The following COL26A1 variants were observed in gnomAD, a reference collection of about 807,000 sequenced individuals.
The protein encoded by COL26A1 is collagen type XXVI alpha 1 chain.
A neutral mutation model predicts 59.3 loss-of-function variants in COL26A1; 41 were observed. The ratio of observed to expected loss-of-function variants is 0.69; its 90% CI spans 0.54 to 0.90. The LOEUF (loss-of-function observed/expected upper bound fraction) is 0.90, where lower values mean the gene tolerates loss of function less well. Ranked by LOEUF, COL26A1 falls within the 40% of genes least tolerant of loss-of-function variation. COL26A1 has a pLI of 0.00. For missense variants in COL26A1, 612 were observed against 602.3 expected (o/e 1.02, Z -0.17); for synonymous variants, 266 against 256.0 (o/e 1.04, Z -0.37).
chr7:101,471,571 G>GTTGTTTTTTTT (rs1793903750), intron 3 of COL26A1, among the ~76,000 whole-genome samples: 2 of 93,014 alleles, frequency 2.2e-5, no homozygotes, highest in African/African-American at 7.8e-5. Flanking sequence ...GTTGTTGTTT[G>GTTGTTTTTTTT]TTTTTTTTTT....
intron 1 of COL26A1, among the ~76,000 whole-genome samples, chr7:101,395,262 G>C (rs1046435308): frequency 6.6e-6 from 1 of 152,154 alleles, no homozygotes; most frequent in African/African-American, 2.4e-5. Context: ...CTTATCCTGA[G>C]GAATTCTAAC....
chr7:101,483,307 C>T lies in COL26A1; in HGVS notation c.385+35520C>T, dbSNP rs932190987. ...CCGCCTCCTGGGTTCAAGCGATTCT[C>T]CTGCCTCAGTCGCCCAAGTAGCTGG... On this transcript the variant is annotated intron_variant, in intron 3 of 12. Transcript: ENST00000313669. 4.0e-5 allele frequency among the ~76,000 whole-genome samples: 6 copies of T among 151,810 alleles called. No homozygotes were observed. In the East Asian group the frequency reaches 9.7e-4, roughly 25 times the overall value.
intron 3 of COL26A1, among the ~76,000 whole-genome samples, chr7:101,517,971 G>C (rs1007112906): frequency 6.6e-6 from 1 of 151,780 alleles, no homozygotes; most frequent in Non-Finnish European, 1.5e-5. Context: ...GCACCACCCA[G>C]GCCTAGCTTG....
In COL26A1 at chr7:101,405,903, CAGGT is replaced by C. The variant is rs1792118387; in HGVS notation, c.159-14073_159-14070del. On this transcript the variant is annotated intron_variant, in intron 1 of 12. Transcript: ENST00000313669. The stretch of plus-strand genomic sequence containing the variant: ...CGATGCTGCCTGTGGGGCTGGCTCT[CAGGT>C]GGGGTGGGCCCCAAAATTCCCCACC... 4.6e-5 allele frequency among the ~76,000 whole-genome samples: 7 copies of C among 152,328 alleles called. No homozygotes were observed. The South Asian group carries it at 1.2e-3, about 27-fold the overall frequency.
chr7:101,458,225 T>A (rs1022027527), intron 3 of COL26A1, among the ~76,000 whole-genome samples: 6 of 152,212 alleles, frequency 3.9e-5, no homozygotes, highest in Non-Finnish European at 8.8e-5. Context: ...GGATAATTCC[T>A]TAAGTCACAT....
intron 3 of COL26A1, among the ~76,000 whole-genome samples, chr7:101,506,003 C>G (rs1163332719): frequency 6.6e-6 from 1 of 152,142 alleles, no homozygotes; most frequent in East Asian, 1.9e-4. Context: ...TTCGAGGACC[C>G]TAGGACAGGA....
intron 3 of COL26A1, among the ~76,000 whole-genome samples, chr7:101,489,790 CTTTCTTT>C (rs1563007919): frequency 0.012 from 25 of 2,106 alleles, 2 homozygotes; most frequent in Non-Finnish European, 0.02. Context: ...TTCTTTCTTT[CTTTCTTT>C]CTTTCTTTCT....
intron 3 of COL26A1, among the ~76,000 whole-genome samples, chr7:101,499,542 G>T (rs932674058): frequency 6.6e-6 from 1 of 152,000 alleles, no homozygotes; most frequent in African/African-American, 2.4e-5. Context: ...AAATTGGCTG[G>T]GCATGGTGGC....
chr7:101,513,796 A>T (rs1425779768), intron 3 of COL26A1, among the ~76,000 whole-genome samples: 1 of 152,226 alleles, frequency 6.6e-6, no homozygotes, highest in Non-Finnish European at 1.5e-5. Context: ...AGGCAGTGTT[A>T]CCACAGCACA....
intron 3 of COL26A1, among the ~76,000 whole-genome samples, chr7:101,454,335 G>A (rs923562102): frequency 2.0e-5 from 3 of 147,510 alleles, no homozygotes; most frequent in African/African-American, 2.5e-5. Flanking sequence ...CATGATCTCG[G>A]CTCACTGCAA....
At chr7:101,415,177 G>GTC (rs944539656) in intron 1 of COL26A1, among the ~76,000 whole-genome samples, 2 of 148,838 alleles carry the variant, frequency 1.3e-5, no homozygotes, top group African/African-American at 4.9e-5. Flanking sequence ...TTGAGACGGA[G>GTC]TCTCTCTCTC....
intron 3 of COL26A1, among the ~76,000 whole-genome samples, chr7:101,506,600 G>A (rs1029954148): frequency 1.6e-4 from 25 of 152,210 alleles, no homozygotes; most frequent in Non-Finnish European, 3.2e-4. Context: ...TGAGCTCTGG[G>A]ACACTGGATC....
chr7:101,404,182 C>T (rs1405855930), intron 1 of COL26A1, among the ~76,000 whole-genome samples: 1 of 152,124 alleles, frequency 6.6e-6, no homozygotes, highest in Non-Finnish European at 1.5e-5. Flanking sequence ...GGCAAGACAG[C>T]CTGGGGAAGG....
Position 101,539,949 on chromosome 7 carries a change from C to A in COL26A1, c.504C>A (p.Ala168=). ...RPSSPDNDLP[A]PESTPPTWNE... is the part of the protein sequence containing the mutation. ...CCAGCCCGGACAACGACCTGCCAGC[C>A]CCCGAGAGCACTCCGCCGACCTGGA... The change falls in exon 5 of 13, where the codon GCC becomes GCA. Residue 168 remains alanine, a synonymous_variant. Coordinates refer to ENST00000313669, the MANE Select transcript of COL26A1 (RefSeq NM_001278563.3). The A allele has an allele frequency of 1.9e-6, 3 of 1,613,788 alleles. No individual in the cohort carries two copies. Among genetic ancestry groups the A allele is most frequent in the Non-Finnish European group, 2.5e-6 (3 of 1,179,858 alleles).
At chr7:101,397,910 A>G (rs1791897946) in intron 1 of COL26A1, among the ~76,000 whole-genome samples, 1 of 152,202 alleles carries the variant, frequency 6.6e-6, no homozygotes, top group African/African-American at 2.4e-5. Flanking sequence ...ACCACCATTC[A>G]GGCCCAGAGG....
intron 3 of COL26A1, among the ~76,000 whole-genome samples, chr7:101,480,732 G>A (rs562515129): frequency 1.7e-4 from 26 of 152,196 alleles, no homozygotes; most frequent in African/African-American, 5.8e-4. Context: ...CGAACTCTTG[G>A]GCTCAAGCGA....
intron 1 of COL26A1, among the ~76,000 whole-genome samples, chr7:101,401,767 G>GAGA (rs59456391): frequency 0.32 from 47,212 of 146,500 alleles, 8,274 homozygotes; most frequent in African/African-American, 0.47. Flanking sequence ...GAGGAGGAGG[G>GAGA]AGAAGAGGAG....
chr7:101,371,762 A>G (rs1407769787), intron 1 of COL26A1, among the ~76,000 whole-genome samples: 1 of 152,204 alleles, frequency 6.6e-6, no homozygotes, highest in Non-Finnish European at 1.5e-5. Context: ...ACTGCGCTCC[A>G]GCCTGGGTGA....
At chr7:101,536,554 G>A (rs1400525601) in intron 4 of COL26A1, among the ~76,000 whole-genome samples, 1 of 152,218 alleles carries the variant, frequency 6.6e-6, no homozygotes, top group African/African-American at 2.4e-5. Context: ...GCCAGGACAG[G>A]AGCCAGGCAG....
Sources: gnomAD v4.1 joint callset for allele counts (sites outside exome capture counted in the v4.1 genomes callset) on GRCh38, gnomAD v4.1.1 for gene constraint, MANE v1.5 for transcripts, NCBI Gene and HGNC (gene_info 2026-07-23, HGNC 2026-07-21) for gene names.